The following ADGRL2 variants were observed in gnomAD, a reference collection of about 807,000 sequenced individuals.
ADGRL2 encodes the protein calcium-independent alpha-latrotoxin receptor 2.
ADGRL2 carries 44 observed loss-of-function variants against 157.4 expected under a neutral mutation model. The ratio of observed to expected loss-of-function variants is 0.28; its 90% CI spans 0.22 to 0.36. ADGRL2 has a LOEUF of 0.36. Ranked by LOEUF, ADGRL2 falls within the 10% of genes least tolerant of loss-of-function variation. The pLI is 1.00. For missense variants in ADGRL2, 1,510 were observed against 1,768.9 expected (o/e 0.85, Z 2.63); for synonymous variants, 585 against 624.7 (o/e 0.94, Z 0.95).
At chr1:81,321,880 CA>C (rs1660527054) in intron 1 of ADGRL2, among the ~76,000 whole-genome samples, 1 of 150,782 alleles carries the variant, frequency 6.6e-6, no homozygotes, top group Non-Finnish European at 1.5e-5. Context: ...AAGTTTGCCA[CA>C]AACCTTCAGT....
chr1:81,338,302 G>A (rs1006710502), intron 1 of ADGRL2, among the ~76,000 whole-genome samples: 3 of 152,168 alleles, frequency 2.0e-5, no homozygotes, highest in African/African-American at 7.2e-5. Flanking sequence ...GGCAGAAGTT[G>A]CAGTGAGCCA....
intron 2 of ADGRL2, among the ~76,000 whole-genome samples, chr1:81,559,688 T>C (rs764952407): frequency 1.6e-4 from 24 of 152,200 alleles, no homozygotes; most frequent in Non-Finnish European, 3.2e-4. Flanking sequence ...CAAAAAAGTA[T>C]TGTAGAAAAG....
intron 2 of ADGRL2, among the ~76,000 whole-genome samples, chr1:81,504,759 C>T (rs912765230): frequency 2.6e-5 from 4 of 152,118 alleles, no homozygotes; most frequent in African/African-American, 9.7e-5. Context: ...CCCCAGCTGA[C>T]CAGGGAGGCA....
chr1:81,916,999 T>C (rs898846315), intron 3 of ADGRL2, among the ~76,000 whole-genome samples: 1 of 151,732 alleles, frequency 6.6e-6, no homozygotes. Context: ...ATATATGTCT[T>C]TTTTTTTCTT....
At chr1:81,825,649 C>T (rs1266168168) in intron 1 of ADGRL2, among the ~76,000 whole-genome samples, 1 of 118,682 alleles carries the variant, frequency 8.4e-6, no homozygotes, top group South Asian at 2.9e-4. Flanking sequence ...CTGGCCAGAC[C>T]CTGTCTCCAA....
At chr1:81,366,413 A>T (rs2076067910) in intron 1 of ADGRL2, among the ~76,000 whole-genome samples, 1 of 152,206 alleles carries the variant, frequency 6.6e-6, no homozygotes, top group Admixed American at 6.5e-5. Flanking sequence ...ACTCTACAAA[A>T]CCACTGTAGC....
chr1:81,882,454 A>G (rs1477997601), intron 2 of ADGRL2, among the ~76,000 whole-genome samples: 1 of 152,198 alleles, frequency 6.6e-6, no homozygotes, highest in Non-Finnish European at 1.5e-5. Context: ...TGTCCAGATA[A>G]CCAGAGCTGT....
intron 1 of ADGRL2, among the ~76,000 whole-genome samples, chr1:81,754,788 G>A (rs2085626955): frequency 6.7e-6 from 1 of 148,926 alleles, no homozygotes; most frequent in Non-Finnish European, 1.5e-5. Context: ...TTGTAGCTTT[G>A]GAAACTTAGA....
chr1:81,691,484 C>G (rs2083332063), intron 3 of ADGRL2, among the ~76,000 whole-genome samples: 1 of 151,722 alleles, frequency 6.6e-6, no homozygotes, highest in African/African-American at 2.4e-5. Flanking sequence ...GTAATACCAA[C>G]TATTAGTTTT....
At chr1:81,878,105 C>G (rs749877550) in intron 2 of ADGRL2, among the ~76,000 whole-genome samples, 1 of 152,058 alleles carries the variant, frequency 6.6e-6, no homozygotes, top group African/African-American at 2.4e-5. Flanking sequence ...TGAGTTTAGT[C>G]TCATCTGGTA....
intron 3 of ADGRL2, among the ~76,000 whole-genome samples, chr1:81,654,728 A>G (rs1485386383): frequency 6.6e-6 from 1 of 152,162 alleles, no homozygotes; most frequent in African/African-American, 2.4e-5. Context: ...GGCATATTGC[A>G]GGTGTTAGCT....
intron 3 of ADGRL2, among the ~76,000 whole-genome samples, chr1:81,630,813 T>C (rs550726856): frequency 2.3e-4 from 35 of 152,340 alleles, no homozygotes; most frequent in African/African-American, 8.4e-4. Flanking sequence ...ACTATGCTAT[T>C]GATATGGAAA....
chr1:81,533,445 T>C (rs867798583), intron 2 of ADGRL2, among the ~76,000 whole-genome samples: 4 of 152,162 alleles, frequency 2.6e-5, no homozygotes, highest in African/African-American at 9.7e-5. Flanking sequence ...CTCACATTCT[T>C]TTGCTCTTAA....
intron 1 of ADGRL2, among the ~76,000 whole-genome samples, chr1:81,397,486 A>G (rs1041534354): frequency 1.3e-5 from 2 of 151,540 alleles, no homozygotes; most frequent in African/African-American, 4.8e-5. Context: ...CGCCAGACTA[A>G]TTTCTTGCAT....
At position 81,950,450 on chromosome 1, in the gene ADGRL2, T is replaced by C. The variant is rs1397398600; in HGVS notation, c.1472T>C (p.Met491Thr). The stretch of plus-strand genomic sequence containing the variant: ...TGGCCTCAGACACAAAGGGGAATGA[T>C]GGTTGAACGACCATGCCCTAAGGGA... The part of the protein sequence containing the change: ...IKWPQTQRGM[M>T]VERPCPKGTR... The change falls in exon 7 of 24, where the codon ATG (methionine) becomes ACG (threonine). Residue 491 changes from methionine to threonine, a missense_variant. Around this residue, in one of 4 missense-constraint regions of ADGRL2, gnomAD observed 325 missense variants for 333.2 expected, o/e 0.98. Coordinates refer to ENST00000686636, the MANE Select transcript of ADGRL2 (RefSeq NM_001366006.2). 1.9e-6 allele frequency: 3 copies of C among 1,613,944 alleles called. No individual in the cohort carries two copies. Among genetic ancestry groups the C allele is most frequent in the African/African-American group, 1.3e-5 (1 of 75,032 alleles).
At chr1:81,307,882 A>C (rs955889636) in intron 1 of ADGRL2, among the ~76,000 whole-genome samples, 1 of 152,174 alleles carries the variant, frequency 6.6e-6, no homozygotes, top group Non-Finnish European at 1.5e-5. Context: ...AGTACAGTAC[A>C]AGGCATGAAG....
chr1:81,414,589 C>T (rs2077002614), intron 1 of ADGRL2, among the ~76,000 whole-genome samples: 1 of 152,138 alleles, frequency 6.6e-6, no homozygotes, highest in South Asian at 2.1e-4. Context: ...GACACTGCCG[C>T]CGTGATACGA....
chr1:81,597,945 G>T (rs947754037), intron 3 of ADGRL2, among the ~76,000 whole-genome samples: 26 of 152,158 alleles, frequency 1.7e-4, no homozygotes, highest in African/African-American at 6.3e-4. Context: ...CTATGAAAGC[G>T]GGTACACAAT....
At chr1:81,379,995 G>A (rs984800545) in intron 1 of ADGRL2, among the ~76,000 whole-genome samples, 1 of 152,072 alleles carries the variant, frequency 6.6e-6, no homozygotes, top group Non-Finnish European at 1.5e-5. Flanking sequence ...TTAAACGGAC[G>A]TGTCCTTCCC....
Sources: gnomAD v4.1 joint callset for allele counts (sites outside exome capture counted in the v4.1 genomes callset) on GRCh38, gnomAD v4.1.1 for gene constraint, gnomAD v4.1.1 regional missense constraint, MANE v1.5 for transcripts, NCBI Gene and HGNC (gene_info 2026-07-23, HGNC 2026-07-21) for gene names.